Variants in ZNF280D observed in about 807,000 individuals in gnomAD.
ZNF280D encodes the protein zinc finger protein 280D.
A neutral mutation model predicts 94.7 loss-of-function variants in ZNF280D; 39 were observed. That is an observed-to-expected ratio of 0.41 (90% CI 0.32 to 0.54). The LOEUF (loss-of-function observed/expected upper bound fraction) is 0.54. ZNF280D is among the 20% of genes least tolerant of loss of function. The pLI, the probability that ZNF280D is intolerant of heterozygous loss-of-function variation, is 0.22. For missense variants in ZNF280D, 1,090 were observed against 1,149.3 expected (o/e 0.95, Z 0.75); for synonymous variants, 398 against 377.6 (o/e 1.05, Z -0.63).
intron 19 of ZNF280D, chr15:56,653,620 C>A: frequency 6.8e-7 from 1 of 1,462,928 alleles, no homozygotes; most frequent in Non-Finnish European, 9.0e-7. Flanking sequence ...AGAAAAATAG[C>A]ACAATGACAG....
At chr15:56,690,138 T>C (rs2056340256) in intron 7 of ZNF280D, among the ~76,000 whole-genome samples, 2 of 152,090 alleles carry the variant, frequency 1.3e-5, no homozygotes, top group Non-Finnish European at 2.9e-5. Flanking sequence ...ATCCCAGCAC[T>C]TTGGGAGGCT....
chr15:56,674,979 T>A (rs1378624979), intron 13 of ZNF280D, among the ~76,000 whole-genome samples: 3 of 152,032 alleles, frequency 2.0e-5, no homozygotes, highest in African/African-American at 7.3e-5. Context: ...AAGTTTATAA[T>A]CCCACTCAGC....
chr15:56,721,460 G>A (rs550383262), intron 1 of ZNF280D, among the ~76,000 whole-genome samples: 1 of 152,170 alleles, frequency 6.6e-6, no homozygotes, highest in African/African-American at 2.4e-5. Context: ...CCAATAAATA[G>A]AAGTCTATTT....
intron 1 of ZNF280D, among the ~76,000 whole-genome samples, chr15:56,731,120 G>A (rs1475642932): frequency 2.6e-5 from 4 of 152,122 alleles, no homozygotes; most frequent in African/African-American, 9.7e-5. Flanking sequence ...GAGAGGATAG[G>A]GGGAACAAAT....
chr15:56,700,863 G>T (rs1386518272), intron 6 of ZNF280D, 70 bp downstream of exon 6: 1 of 1,611,914 alleles, frequency 6.2e-7, no homozygotes, highest in African/African-American at 1.3e-5. Flanking sequence ...TTGTAACTGG[G>T]TACTGTTGAT....
At chr15:56,668,041 G>A (rs1252262367) in intron 14 of ZNF280D, 3 of 411,280 alleles carry the variant, frequency 7.3e-6, no homozygotes, top group Admixed American at 5.5e-5. Flanking sequence ...TGAATGGATT[G>A]CAGGGAAGGA....
At chr15:56,654,313 C>T (rs2053395093) in intron 18 of ZNF280D, 72 bp downstream of exon 18, 3 of 1,598,576 alleles carry the variant, frequency 1.9e-6, no homozygotes, top group Admixed American at 3.5e-5. Context: ...AGTAAAGAGA[C>T]CATATTGTGG....
intron 1 of ZNF280D, among the ~76,000 whole-genome samples, chr15:56,715,589 G>C (rs1334907615): frequency 1.3e-5 from 2 of 152,094 alleles, no homozygotes; most frequent in Non-Finnish European, 2.9e-5. Context: ...CTAGCAGAAT[G>C]AGGCTTTACC....
chr15:56,642,891 T>C, intron 20 of ZNF280D, 61 bp downstream of exon 20: 1 of 1,243,108 alleles, frequency 8.0e-7, no homozygotes, highest in South Asian at 1.9e-5. Context: ...AAATTTTATA[T>C]CATACCAATA....
intron 20 of ZNF280D, among the ~76,000 whole-genome samples, chr15:56,640,910 T>TC (rs2052596701): frequency 6.6e-6 from 1 of 152,150 alleles, no homozygotes; most frequent in Admixed American, 6.6e-5. Flanking sequence ...ATTTAAATCG[T>TC]CAGAATATTT....
intron 1 of ZNF280D, among the ~76,000 whole-genome samples, chr15:56,715,708 T>C (rs1161223899): frequency 1.3e-5 from 2 of 152,130 alleles, no homozygotes; most frequent in Non-Finnish European, 2.9e-5. Context: ...AGTAACAGTT[T>C]TGTATTTGCC....
At chr15:56,677,542 A>G in intron 12 of ZNF280D, 32 bp downstream of exon 12, 1 of 1,487,584 alleles carries the variant, frequency 6.7e-7, no homozygotes, top group Admixed American at 1.7e-5. Flanking sequence ...AACAAACCAA[A>G]CACTTAAAAA....
At chr15:56,676,193 G>C (rs2055219402) in intron 13 of ZNF280D, among the ~76,000 whole-genome samples, 1 of 152,112 alleles carries the variant, frequency 6.6e-6, no homozygotes, top group East Asian at 1.9e-4. Context: ...GACAACTCCA[G>C]GTCAATGACA....
At chr15:56,642,856 A>C in intron 20 of ZNF280D, 96 bp downstream of exon 20, 1 of 673,810 alleles carries the variant, frequency 1.5e-6, no homozygotes, top group Non-Finnish European at 2.3e-6. Context: ...AATATTGTTG[A>C]TGTATGCATG....
At chr15:56,680,974 C>G (rs775995623) in intron 10 of ZNF280D, among the ~76,000 whole-genome samples, 4 of 152,192 alleles carry the variant, frequency 2.6e-5, no homozygotes, top group South Asian at 2.1e-4. Flanking sequence ...TCTACTGCAA[C>G]ACTGTTTCAA....
chr15:56,659,551 C>T (rs545706707), intron 16 of ZNF280D, among the ~76,000 whole-genome samples: 1 of 151,758 alleles, frequency 6.6e-6, no homozygotes, highest in Admixed American at 6.6e-5. Context: ...TATAAATAAA[C>T]CTTTATTATA....
intron 1 of ZNF280D, among the ~76,000 whole-genome samples, chr15:56,712,576 AGT>A (rs1373978981): frequency 1.8e-5 from 2 of 109,054 alleles, no homozygotes; most frequent in Admixed American, 1.3e-4. Context: ...CCTGGGTGAC[AGT>A]GTGAGACCCT....
intron 1 of ZNF280D, among the ~76,000 whole-genome samples, chr15:56,721,041 C>A (rs2058333981): frequency 6.6e-6 from 1 of 151,278 alleles, no homozygotes; most frequent in African/African-American, 2.4e-5. Context: ...AAACTCACTG[C>A]AACTTCTGCC....
chr15:56,676,536 T>C, intron 13 of ZNF280D, 134 bp downstream of exon 13: 2 of 655,862 alleles, frequency 3.0e-6, no homozygotes, highest in Non-Finnish European at 4.6e-6. Context: ...GCAATTCAAC[T>C]TGAAGTGTAA....
Sources: gnomAD v4.1 joint callset for allele counts (sites outside exome capture counted in the v4.1 genomes callset) on GRCh38, gnomAD v4.1.1 for gene constraint, MANE v1.5 for transcripts, NCBI Gene and HGNC (gene_info 2026-07-23, HGNC 2026-07-21) for gene names.